The following ALDH1L1 variants were observed in gnomAD, a reference collection of about 807,000 sequenced individuals.
ALDH1L1 encodes the protein aldehyde dehydrogenase 1 family member L1, also known as cytosolic 10-formyltetrahydrofolate dehydrogenase.
In ALDH1L1, 68 loss-of-function variants were observed where a neutral mutation model predicts 101.1. That is an observed-to-expected ratio of 0.67 (90% confidence interval 0.55 to 0.82). The LOEUF is 0.82. Among genes scored for constraint, ALDH1L1 ranks in the 40% least tolerant of loss-of-function variants. The probability of loss-of-function intolerance (pLI) is 0.00; values close to 1 mark genes in which losing one functional copy is unlikely to be tolerated. For missense variants in ALDH1L1, 1,087 were observed against 1,172.7 expected (o/e 0.93, Z 1.07); for synonymous variants, 486 against 470.8 (o/e 1.03, Z -0.42).
At chr3:126,177,094 T>A (rs972442405) in intron 1 of ALDH1L1, among the ~76,000 whole-genome samples, 4 of 152,246 alleles carry the variant, frequency 2.6e-5, no homozygotes, top group Non-Finnish European at 5.9e-5. Flanking sequence ...GAACTCTTAT[T>A]TATTACTGGT....
At chr3:126,118,120 G>A (rs750646812) in intron 16 of ALDH1L1, 22 bp from the exon 17 acceptor site, 64 of 1,588,190 alleles carry the variant, frequency 4.0e-5, no homozygotes, top group South Asian at 7.8e-5. Flanking sequence ...AGGGAGGGGG[G>A]AATCAGAGTG....
chr3:126,124,576 G>T, intron 15 of ALDH1L1, 125 bp from the exon 16 acceptor site: 2 of 774,404 alleles, frequency 2.6e-6, no homozygotes, highest in Non-Finnish European at 4.3e-6. Flanking sequence ...GCAGATTGTG[G>T]CACCAGGAAG....
rs141874661 is a variant in ALDH1L1 at position 126,149,400 on chromosome 3, C to T, written c.984+1006G>A. On this transcript the variant is annotated intron_variant, in intron 8 of 22. Coordinates refer to ENST00000393434, the MANE Select transcript of ALDH1L1 (RefSeq NM_012190.4). ...AGCATCGTTTGACTCAGGTCTACAT[C>T]TACAAACGATGACCCCAGCTCATCC... 8.3e-4 allele frequency among the ~76,000 whole-genome samples: 127 copies of T among 152,322 alleles called. 1 individual carries two copies. The highest frequency in any genetic ancestry group is 2.9e-3 in the African/African-American group (120 of 41,570).
chr3:126,117,662 AC>A (rs2079997866), intron 17 of ALDH1L1, among the ~76,000 whole-genome samples: 1 of 128,606 alleles, frequency 7.8e-6, no homozygotes, highest in Admixed American at 7.3e-5. Context: ...AAAAAAAAAA[AC>A]AACAACAAAA....
chr3:126,180,897 G>T, upstream of ALDH1L1: 1 of 1,595,272 alleles, frequency 6.3e-7, no homozygotes, highest in African/African-American at 1.3e-5. Context: ...GGTCAGAGGA[G>T]ACCCTCGCCA....
intron 1 of ALDH1L1, among the ~76,000 whole-genome samples, chr3:126,175,942 G>A (rs12636371): frequency 0.4 from 60,418 of 151,968 alleles, 12,182 homozygotes; most frequent in Middle Eastern, 0.52. Context: ...TGTGGAAAAT[G>A]CCAACAAAGC....
chr3:126,166,811 A>G (rs1413836808), intron 1 of ALDH1L1, among the ~76,000 whole-genome samples: 3 of 152,332 alleles, frequency 2.0e-5, no homozygotes, highest in South Asian at 2.1e-4. Context: ...AAAATGTTAC[A>G]TAAGTTGGCA....
In ALDH1L1 at chr3:126,125,630, T is replaced by G. The variant is rs748672138; in HGVS notation, c.1786A>C (p.Ile596Leu). The G allele has an allele frequency of 2.1e-5, 33 of 1,589,442 alleles. No homozygotes were observed. In the African/African-American group the frequency reaches 4.2e-4, roughly 20 times the overall value. ...CCCACGCTCACCTGAGCAGGCTTGA[T>G]CACCACTGTGTTCCCGGCAGCCAGG... ...ACLAAGNTVV[I>L]KPAQVTPLTA... The change falls in exon 15 of 23, where the codon ATC becomes CTC. Residue 596 changes from isoleucine to leucine, a missense_variant. By Grantham distance (5) the Ile-to-Leu change is conservative (BLOSUM62 2). Around this residue, in one of 2 missense-constraint regions of ALDH1L1, gnomAD observed 442 missense variants for 535.7 expected, o/e 0.83. Coordinates refer to ENST00000393434, the MANE Select transcript of ALDH1L1 (RefSeq NM_012190.4).
At chr3:126,179,391 T>G (rs1208923132) in intron 1 of ALDH1L1, among the ~76,000 whole-genome samples, 1 of 152,190 alleles carries the variant, frequency 6.6e-6, no homozygotes, top group African/African-American at 2.4e-5. Flanking sequence ...GTTCTAGCAC[T>G]CGGGAGGCTG....
chr3:126,185,473 G>C (rs1370883639), upstream of ALDH1L1, among the ~76,000 whole-genome samples: 1 of 152,234 alleles, frequency 6.6e-6, no homozygotes, highest in Middle Eastern at 3.2e-3. Context: ...AAGCGGGTCT[G>C]GGTACTTCAG....
In ALDH1L1 at chr3:126,118,038, C is replaced by T. The variant is rs1345939828; in HGVS notation, c.1949G>A (p.Gly650Asp). The T allele has an allele frequency of 6.2e-7, 1 of 1,614,086 alleles. No individual in the cohort carries two copies. Among genetic ancestry groups the T allele is most frequent in the Non-Finnish European group, 8.5e-7 (1 of 1,180,024 alleles). Residue 650 changes from glycine (G) to aspartate (D), a missense_variant, in exon 17 of 23, where the codon GGC (glycine) becomes GAC (aspartate). Coordinates refer to ENST00000393434, the MANE Select transcript of ALDH1L1 (RefSeq NM_012190.4). ...GATGTGCTTGCCCACCTCTGTGGAG[C>T]CTGTGAACCCGATTTTCCTCACATC... ...HPDVRKIGFT[G>D]STEVGKHIMK...
intron 12 of ALDH1L1, among the ~76,000 whole-genome samples, chr3:126,134,762 C>T (rs576509798): frequency 6.6e-6 from 1 of 152,328 alleles, no homozygotes; most frequent in Admixed American, 6.5e-5. Context: ...GGGACCACGC[C>T]ATAACTTGGC....
At chr3:126,196,018 G>T (rs1049858535) in intron 1 of ALDH1L1, among the ~76,000 whole-genome samples, 1 of 152,076 alleles carries the variant, frequency 6.6e-6, no homozygotes, top group African/African-American at 2.4e-5. Context: ...TGTAAATGAC[G>T]AGTTAATGGG....
chr3:126,184,380 C>CCA (rs1442029870), upstream of ALDH1L1, among the ~76,000 whole-genome samples: 5 of 152,226 alleles, frequency 3.3e-5, no homozygotes, highest in Non-Finnish European at 7.3e-5. Flanking sequence ...ACAGCACAGA[C>CCA]CACACTCTAA....
chr3:126,108,538 C>T (rs1945966174), intron 20 of ALDH1L1, among the ~76,000 whole-genome samples: 2 of 152,218 alleles, frequency 1.3e-5, no homozygotes, highest in Non-Finnish European at 2.9e-5. Flanking sequence ...CCACCTGCCT[C>T]ATGGAACTCA....
chr3:126,165,585 C>A (rs1182477882), intron 1 of ALDH1L1, among the ~76,000 whole-genome samples: 3 of 152,148 alleles, frequency 2.0e-5, no homozygotes, highest in Non-Finnish European at 4.4e-5. Flanking sequence ...GTTTTCATTA[C>A]TGATTCAGTT....
chr3:126,123,882 A>C (rs1007059889), intron 16 of ALDH1L1, among the ~76,000 whole-genome samples: 1 of 152,212 alleles, frequency 6.6e-6, no homozygotes, highest in African/African-American at 2.4e-5. Context: ...TCCAAAAAGG[A>C]GATAAAAATT....
intron 1 of ALDH1L1, among the ~76,000 whole-genome samples, chr3:126,169,287 A>C (rs976012083): frequency 6.6e-6 from 1 of 152,222 alleles, no homozygotes; most frequent in African/African-American, 2.4e-5. Flanking sequence ...ATAGAATTTA[A>C]AGCGTGTTTT....
intron 9 of ALDH1L1, 70 bp downstream of exon 9, chr3:126,146,765 C>T: frequency 6.5e-7 from 1 of 1,527,838 alleles, no homozygotes; most frequent in South Asian, 1.2e-5. Context: ...TTTCCTGCTG[C>T]TCAGTTTTGC....
Sources: gnomAD v4.1 joint callset for allele counts (sites outside exome capture counted in the v4.1 genomes callset) on GRCh38, gnomAD v4.1.1 for gene constraint, gnomAD v4.1.1 regional missense constraint, MANE v1.5 for transcripts, NCBI Gene and HGNC (gene_info 2026-07-23, HGNC 2026-07-21) for gene names.